Variants in ASCC3 observed in about 807,000 individuals in gnomAD.
ASCC3 encodes activating signal cointegrator 1 complex subunit 3.
A neutral mutation model predicts 256.3 loss-of-function variants in ASCC3; 158 were observed. The observed-to-expected ratio is 0.62, with a 90% confidence interval of 0.54 to 0.70. The LOEUF (loss-of-function observed/expected upper bound fraction) is 0.70, where lower values mean the gene tolerates loss of function less well. Among genes scored for constraint, ASCC3 ranks in the 30% least tolerant of loss-of-function variants. ASCC3 has a pLI of 0.00. For synonymous variants in ASCC3, 948 were observed against 883.4 expected (o/e 1.07, Z -1.30); for missense variants, 2,259 against 2,626.0 (o/e 0.86, Z 3.05).
At chr6:100,738,618 G>T (rs902592918) in intron 10 of ASCC3, among the ~76,000 whole-genome samples, 4 of 152,172 alleles carry the variant, frequency 2.6e-5, no homozygotes, top group African/African-American at 9.7e-5. Context: ...GGTTGCTGTA[G>T]CTTTGTAGTA....
rs1313327841 is a variant in ASCC3 at position 100,517,991 on chromosome 6, T to C, written c.5927A>G (p.Lys1976Arg). 3 of 1,613,116 alleles carry C rather than the reference T, an allele frequency of 1.9e-6. No individual in the cohort carries two copies. In the Admixed American group the frequency reaches 5.0e-5, roughly 27 times the overall value. Residue 1976 changes from lysine to arginine, a missense_variant and splice_region_variant, in exon 38 of 42, where the codon AAG (lysine) becomes AGG (arginine). Lys to Arg is a conservative substitution (Grantham distance 26). This residue lies in a region of ASCC3 where 1,839 missense variants were observed against 2,206.7 expected (regional missense o/e 0.83). Coordinates refer to ENST00000369162, the MANE Select transcript of ASCC3 (RefSeq NM_006828.4). ...TTACATTGAAAAGTAAAACAATTAC[T>C]TGAAAAGGTGAAGATGATGGTTTTC... ...NIENHHLHLF[K>R]KWKPIMKGPH...
At chr6:100,749,155 TCAAA>T (rs970173676) in intron 10 of ASCC3, among the ~76,000 whole-genome samples, 2 of 152,048 alleles carry the variant, frequency 1.3e-5, no homozygotes, top group African/African-American at 2.4e-5. Context: ...CTCTTCCCCG[TCAAA>T]CAGTGTTCAA....
At chr6:100,537,674 TG>T (rs1396913513) in intron 37 of ASCC3, among the ~76,000 whole-genome samples, 7 of 151,920 alleles carry the variant, frequency 4.6e-5, no homozygotes, top group African/African-American at 1.4e-4. Flanking sequence ...AAAAATTCAT[TG>T]AAAAAAAGAA....
chr6:100,581,354 G>C (rs1244288955), intron 36 of ASCC3, among the ~76,000 whole-genome samples: 1 of 152,090 alleles, frequency 6.6e-6, no homozygotes, highest in Admixed American at 6.5e-5. Flanking sequence ...ATTTTTTCAT[G>C]TGTTTTTTTG....
In ASCC3 at chr6:100,589,663, T is replaced by C; in HGVS notation, c.5521A>G (p.Ser1841Gly). 6.2e-7 allele frequency: 1 copy of C among 1,613,752 alleles called. No homozygotes were observed. The highest frequency in any genetic ancestry group is 8.5e-7 in the Non-Finnish European group (1 of 1,179,800). ...MFKDRLKPEC[S>G]TEELLSILSD... Reference sequence around the variant, plus strand: ...AGAATTGAAAGCAGTTCTTCAGTACTGCATTCAGGCTTCAAGCGGTCCTTG... The same window carrying C: ...AGAATTGAAAGCAGTTCTTCAGTACCGCATTCAGGCTTCAAGCGGTCCTTG... Residue 1841 changes from serine (S) to glycine (G), a missense_variant, in exon 36 of 42, where the codon AGT (serine) becomes GGT (glycine). This residue lies in a region of ASCC3 where 1,839 missense variants were observed against 2,206.7 expected (regional missense o/e 0.83). Coordinates refer to ENST00000369162, the MANE Select transcript of ASCC3 (RefSeq NM_006828.4).
chr6:100,618,913 C>T (rs1773804832), intron 30 of ASCC3, among the ~76,000 whole-genome samples: 1 of 152,164 alleles, frequency 6.6e-6, no homozygotes, highest in Non-Finnish European at 1.5e-5. Context: ...GAGGAACTCA[C>T]TTCATAAAGG....
chr6:100,581,589 T>A (rs551729522), intron 36 of ASCC3, among the ~76,000 whole-genome samples: 45 of 151,436 alleles, frequency 3.0e-4, no homozygotes, highest in Admixed American at 2.7e-3. Context: ...TTAGTTTAAT[T>A]AGATCCCATT....
chr6:100,555,396 C>T (rs1351078232), intron 36 of ASCC3, among the ~76,000 whole-genome samples: 4 of 151,992 alleles, frequency 2.6e-5, no homozygotes, highest in African/African-American at 9.7e-5. Flanking sequence ...GACATATGTT[C>T]GGCCCTCAAC....
chr6:100,823,383 G>T (rs770776063), intron 4 of ASCC3, among the ~76,000 whole-genome samples: 2 of 152,158 alleles, frequency 1.3e-5, no homozygotes, highest in Non-Finnish European at 2.9e-5. Context: ...TTAGCTGCGG[G>T]TATAGAAACA....
At chr6:100,751,911 G>T (rs1423469555) in intron 10 of ASCC3, among the ~76,000 whole-genome samples, 2 of 152,018 alleles carry the variant, frequency 1.3e-5, no homozygotes, top group African/African-American at 2.4e-5. Flanking sequence ...CTTTATACAG[G>T]TCTATAGATT....
At chr6:100,689,881 T>C (rs577431255) in intron 13 of ASCC3, among the ~76,000 whole-genome samples, 2 of 152,224 alleles carry the variant, frequency 1.3e-5, no homozygotes, top group South Asian at 4.1e-4. Flanking sequence ...CGTATTTTAG[T>C]GCTATTAAAA....
At chr6:100,770,150 A>C (rs1781850793) in intron 8 of ASCC3, among the ~76,000 whole-genome samples, 1 of 152,018 alleles carries the variant, frequency 6.6e-6, no homozygotes. Context: ...ATCACAGACT[A>C]ATACTCCTCA....
intron 36 of ASCC3, among the ~76,000 whole-genome samples, chr6:100,577,013 ACAGAC>A (rs1770905042): frequency 6.6e-6 from 1 of 151,434 alleles, no homozygotes; most frequent in Admixed American, 6.6e-5. Context: ...GCAAGTATTA[ACAGAC>A]TGCCACATTA....
intron 4 of ASCC3, 140 bp downstream of exon 4, chr6:100,848,008 A>C: frequency 1.3e-6 from 1 of 787,974 alleles, no homozygotes; most frequent in Non-Finnish European, 1.9e-6. Flanking sequence ...CAGGCCTGCT[A>C]TGTGAAACCA....
chr6:100,616,650 C>A (rs1465185231), intron 30 of ASCC3, among the ~76,000 whole-genome samples: 2 of 152,104 alleles, frequency 1.3e-5, no homozygotes, highest in African/African-American at 2.4e-5. Context: ...CAGATTTTTT[C>A]CCCCACCTAC....
intron 36 of ASCC3, among the ~76,000 whole-genome samples, chr6:100,579,071 A>C (rs1200499492): frequency 2.0e-5 from 3 of 151,892 alleles, no homozygotes; most frequent in Non-Finnish European, 2.9e-5. Flanking sequence ...GCATTTTTCT[A>C]ATGATTAGTG....
chr6:100,736,501 CA>C lies in ASCC3; in HGVS notation c.1738-10799del, dbSNP rs34957642. On this transcript the variant is annotated intron_variant, in intron 10 of 41. Coordinates refer to ENST00000369162, the MANE Select transcript of ASCC3 (RefSeq NM_006828.4). ...GGGCAACAAGAGTAAAACTCCATTT[CA>C]AAAAAAAAAAAGTTCCTTTTAAGAC... 1.6e-3 allele frequency among the ~76,000 whole-genome samples: 233 copies of C among 141,982 alleles called. 2 individuals are homozygous for C. The East Asian group carries it at 0.031, about 19-fold the overall frequency. The allele number at this position is 141,982 out of a possible 152,430, so 93.1% of individuals were successfully genotyped here. A position where few individuals can be genotyped will look rare whatever the true frequency, so the allele number is the denominator to read the frequency against.
At chr6:100,752,670 C>T (rs1379747503) in intron 10 of ASCC3, among the ~76,000 whole-genome samples, 1 of 152,026 alleles carries the variant, frequency 6.6e-6, no homozygotes, top group Non-Finnish European at 1.5e-5. Flanking sequence ...ATTAAATGGG[C>T]TAAATTCTAT....
At chr6:100,815,306 G>C (rs1216869161) in intron 4 of ASCC3, among the ~76,000 whole-genome samples, 9 of 151,994 alleles carry the variant, frequency 5.9e-5, no homozygotes, top group African/African-American at 2.2e-4. Flanking sequence ...CTCATGGATT[G>C]GAAGAATCAA....
Sources: allele counts gnomAD v4.1 joint callset (sites outside exome capture counted in the v4.1 genomes callset), GRCh38; gene constraint gnomAD v4.1.1; regional missense constraint gnomAD v4.1.1; transcripts MANE v1.5; gene names NCBI Gene and HGNC (gene_info 2026-07-23, HGNC 2026-07-21).